AGBL3: variants seen among roughly 807,000 people sequenced by gnomAD.
AGBL3 encodes the protein AGBL carboxypeptidase 3.
A neutral mutation model predicts 94.5 loss-of-function variants in AGBL3; 68 were observed. The ratio of observed to expected loss-of-function variants is 0.72; its 90% confidence interval spans 0.59 to 0.88. The LOEUF is 0.88. AGBL3 is among the 40% of genes least tolerant of loss of function. The pLI, the probability that AGBL3 is intolerant of heterozygous loss-of-function variation, is 0.00. For synonymous variants in AGBL3, 354 were observed against 370.7 expected, an observed-to-expected ratio of 0.95 and a Z score of 0.52; for missense variants, 934 against 1,103.8, an observed-to-expected ratio of 0.85 and a Z score of 2.18.
rs1225286581 is a variant in AGBL3 at position 135,112,578 on chromosome 7, C to G, written c.2111-2802C>G. On this transcript the variant is annotated intron_variant, in intron 15 of 16. Transcript: ENST00000436302. ...TTCATTTACCCCATACCCTTTGCCC[C>G]CATCTATAAGTATGGCTATAAGTAT... 3.6e-4 allele frequency among the ~76,000 whole-genome samples: 54 copies of G among 152,078 alleles called. 1 individual carries two copies. Among genetic ancestry groups the G allele is most frequent in the Admixed American group, 3.5e-3 (54 of 15,250 alleles).
At chr7:135,084,218 T>C (rs1436655850) in intron 15 of AGBL3, among the ~76,000 whole-genome samples, 1 of 152,166 alleles carries the variant, frequency 6.6e-6, no homozygotes, top group African/African-American at 2.4e-5. Flanking sequence ...TTATTATTAT[T>C]TTTAGTTGAT....
At position 135,034,446 on chromosome 7, in the gene AGBL3, A is replaced by G. The variant is rs1441465945; in HGVS notation, c.855A>G (p.Gln285=). ...ATTTCTCTCTTACATGGACATTTCA[A>G]TTTCCACACAACAAAGATACCTGCT... ...RHYFSLTWTF[Q]FPHNKDTCYF... The change falls in exon 7 of 17, where the codon CAA becomes CAG. Residue 285 remains glutamine, a synonymous_variant. Coordinates refer to ENST00000436302, the MANE Select transcript of AGBL3 (RefSeq NM_178563.4). 4 of 1,551,650 alleles carry G rather than the reference A, an allele frequency of 2.6e-6. No homozygotes were observed. Among genetic ancestry groups the G allele is most frequent in the African/African-American group, 1.4e-5 (1 of 73,040 alleles).
chr7:135,068,342 C>A (rs947297092), intron 12 of AGBL3, among the ~76,000 whole-genome samples: 1 of 152,178 alleles, frequency 6.6e-6, no homozygotes, highest in Non-Finnish European at 1.5e-5. Context: ...CTTCCCCAAT[C>A]TAGCAAGGCG....
At chr7:135,065,822 T>G (rs1819238537) in intron 12 of AGBL3, among the ~76,000 whole-genome samples, 1 of 151,718 alleles carries the variant, frequency 6.6e-6, no homozygotes, top group South Asian at 2.1e-4. Context: ...GCCTGGGAGG[T>G]CAAGGCTGCA....
rs1228600219 is a variant in AGBL3, at chr7:135,027,451, T to C, written c.419-5393T>C. ...AAAAAATTGTATTTATATTTATTTA[T>C]GTATTTACCATTTCTTCTCCTCTTT... On this transcript the variant is annotated intron_variant, in intron 5 of 16. Coordinates refer to ENST00000436302, the MANE Select transcript of AGBL3 (RefSeq NM_178563.4). Among the ~76,000 whole-genome samples the C allele has an allele frequency of 2.0e-5, 3 of 151,748 alleles. No individual in the cohort carries two copies. The East Asian group carries it at 6.1e-4, about 31-fold the overall frequency.
At chr7:135,046,117 T>A (rs181746668) in intron 11 of AGBL3, among the ~76,000 whole-genome samples, 1 of 152,320 alleles carries the variant, frequency 6.6e-6, no homozygotes, top group African/African-American at 2.4e-5. Context: ...ATGTACAGTG[T>A]ACTGTGAATA....
chr7:135,015,737 G>A (rs1174086372), intron 4 of AGBL3, among the ~76,000 whole-genome samples: 1 of 151,796 alleles, frequency 6.6e-6, no homozygotes, highest in Non-Finnish European at 1.5e-5. Context: ...TACACAGGCC[G>A]GGCATGGTGG....
chr7:135,018,369 G>GC (rs1169271593), intron 5 of AGBL3, among the ~76,000 whole-genome samples: 4 of 152,200 alleles, frequency 2.6e-5, no homozygotes, highest in Non-Finnish European at 4.4e-5. Flanking sequence ...TTCTACAAGT[G>GC]CCTCCCATTG....
intron 3 of AGBL3, 23 bp downstream of exon 3, chr7:134,989,333 TTTG>T: frequency 6.7e-7 from 1 of 1,502,892 alleles, no homozygotes; most frequent in Non-Finnish European, 8.9e-7. Flanking sequence ...TCATATAGTT[TTTG>T]TTTAGCATAA....
At chr7:135,016,987 T>C in intron 4 of AGBL3, 65 bp from the exon 5 acceptor site, 1 of 1,012,376 alleles carries the variant, frequency 9.9e-7, no homozygotes, top group Non-Finnish European at 1.5e-6. Flanking sequence ...TTTGAAAATA[T>C]GCAATAAAAT....
intron 11 of AGBL3, among the ~76,000 whole-genome samples, chr7:135,055,731 A>G (rs1818289058): frequency 6.6e-6 from 1 of 152,116 alleles, no homozygotes; most frequent in South Asian, 2.1e-4. Context: ...TCTTTCTTAC[A>G]GTATCTTTGT....
In AGBL3 at chr7:135,134,958, G is replaced by C; in HGVS notation, c.2460G>C (p.Gln820His). 6.4e-7 allele frequency: 1 copy of C among 1,551,182 alleles called. No homozygotes were observed. The highest frequency in any genetic ancestry group is 8.7e-7 in the Non-Finnish European group (1 of 1,146,672). ...TGGCAAACTCTTCAGAATGGGTCCA[G>C]TCTAAGCCCCACAGGTCATTGGAAA... ...DVMANSSEWV[Q>H]SKPHRSLESL... The change falls in exon 17 of 17, where the codon CAG becomes CAC. Residue 820 changes from glutamine (Q) to histidine (H), a missense_variant. This residue lies in a region of AGBL3 where 441 missense variants were observed against 518.2 expected (regional missense o/e 0.85). Coordinates refer to ENST00000436302, the MANE Select transcript of AGBL3 (RefSeq NM_178563.4).
chr7:135,053,659 G>A (rs923989645), intron 11 of AGBL3, among the ~76,000 whole-genome samples: 1 of 152,026 alleles, frequency 6.6e-6, no homozygotes, highest in African/African-American at 2.4e-5. Flanking sequence ...AGCCAAAGCT[G>A]GACGACCATC....
chr7:135,084,759 G>A (rs1055269440), intron 15 of AGBL3, among the ~76,000 whole-genome samples: 1 of 152,050 alleles, frequency 6.6e-6, no homozygotes, highest in Admixed American at 6.5e-5. Context: ...GGACACTTAG[G>A]TTGATTCCAT....
At chr7:134,993,314 GATCA>G (rs1810539893) in intron 3 of AGBL3, among the ~76,000 whole-genome samples, 175 bp from the exon 4 acceptor site, 1 of 152,274 alleles carries the variant, frequency 6.6e-6, no homozygotes, top group Non-Finnish European at 1.5e-5. Flanking sequence ...CTACTGTGAA[GATCA>G]ATCATCACAA....
intron 16 of AGBL3, chr7:135,129,380 T>C (rs1419277396): frequency 4.6e-6 from 4 of 864,726 alleles, no homozygotes; most frequent in Non-Finnish European, 4.0e-6. Context: ...ATAAGGCCAA[T>C]AAAAGACTTT....
At chr7:135,044,202 G>A in intron 9 of AGBL3, 51 bp downstream of exon 9, 2 of 1,494,394 alleles carry the variant, frequency 1.3e-6, no homozygotes, top group South Asian at 1.4e-5. Flanking sequence ...AACCAAACAT[G>A]TATAATTTAA....
Position 135,017,108 on chromosome 7 carries a change from C to T in AGBL3, c.367C>T (p.Pro123Ser), listed in dbSNP as rs1398711359. 1.9e-6 allele frequency: 3 copies of T among 1,551,262 alleles called. No homozygotes were observed. The Admixed American group carries it at 5.9e-5, about 30-fold the overall frequency. Residue 123 changes from proline to serine, a missense_variant, in exon 5 of 17, where the codon CCC becomes TCC. Pro to Ser is a moderately conservative substitution (Grantham distance 74). This residue lies in a region of AGBL3 where 488 missense variants were observed against 563.6 expected (regional missense o/e 0.87). Coordinates refer to ENST00000436302, the MANE Select transcript of AGBL3 (RefSeq NM_178563.4). Reference sequence around the variant, plus strand: ...TATCCCAACGGGCTTAGAAACGGAACCCCTTTATCCAGACTCCAAGGAAGC... The same window carrying T: ...TATCCCAACGGGCTTAGAAACGGAATCCCTTTATCCAGACTCCAAGGAAGC... The part of the protein sequence containing the change: ...VYIPTGLETE[P>S]LYPDSKEATV...
intron 4 of AGBL3, among the ~76,000 whole-genome samples, chr7:135,003,497 C>A (rs1293853178): frequency 6.6e-6 from 1 of 151,758 alleles, no homozygotes; most frequent in Non-Finnish European, 1.5e-5. Context: ...TCCTAGTTGT[C>A]CTAAAATAAA....
Sources: gnomAD v4.1 joint callset for allele counts (sites outside exome capture counted in the v4.1 genomes callset) on GRCh38, gnomAD v4.1.1 for gene constraint, gnomAD v4.1.1 regional missense constraint, MANE v1.5 for transcripts, NCBI Gene and HGNC (gene_info 2026-07-23, HGNC 2026-07-21) for gene names.